The following DPP6 variants were observed in gnomAD, a reference collection of about 807,000 sequenced individuals.
DPP6 encodes the protein dipeptidyl peptidase like 6, also known as A-type potassium channel modulatory protein DPP6.
In DPP6, 69 loss-of-function variants were observed where a neutral mutation model predicts 122.6. That is an observed-to-expected ratio of 0.56 (90% CI 0.46 to 0.69). DPP6 has a LOEUF of 0.69. DPP6 is among the 30% of genes least tolerant of loss of function. DPP6 has a pLI of 0.00. For synonymous variants in DPP6, 418 were observed against 433.1 expected (o/e 0.97, Z 0.43); for missense variants, 928 against 1,116.9 (o/e 0.83, Z 2.41).
At chr7:154,888,677 C>A (rs1806361548) in intron 23 of DPP6, among the ~76,000 whole-genome samples, 1 of 152,174 alleles carries the variant, frequency 6.6e-6, no homozygotes, top group Non-Finnish European at 1.5e-5. Flanking sequence ...TCTCTTCCAC[C>A]CCCTCCTCTT....
chr7:153,904,153 G>A (rs895618835), intron 1 of DPP6, among the ~76,000 whole-genome samples: 2 of 152,286 alleles, frequency 1.3e-5, no homozygotes, highest in Non-Finnish European at 2.9e-5. Flanking sequence ...CCAAGCTCAA[G>A]CAATTCTCCT....
chr7:154,209,023 G>A (rs546614825), intron 1 of DPP6, among the ~76,000 whole-genome samples: 167 of 152,250 alleles, frequency 1.1e-3, no homozygotes, highest in Middle Eastern at 3.4e-3. Flanking sequence ...ATTTAAGAAC[G>A]TGCTCAGCAG....
the DPP6 span, among the ~76,000 whole-genome samples, chr7:153,851,624 C>T: frequency 2.6e-5 from 4 of 152,026 alleles, no homozygotes; most frequent in Non-Finnish European, 5.9e-5. Flanking sequence ...TTTTATATTA[C>T]TTATATCTTG....
intron 1 of DPP6, among the ~76,000 whole-genome samples, chr7:154,324,153 C>T (rs1430029850): frequency 6.6e-6 from 1 of 152,088 alleles, no homozygotes; most frequent in African/African-American, 2.4e-5. Flanking sequence ...TGATGGTCTA[C>T]GGATTGATTT....
chr7:154,712,595 C>T (rs1437422865), intron 7 of DPP6, among the ~76,000 whole-genome samples: 1 of 152,158 alleles, frequency 6.6e-6, no homozygotes, highest in Non-Finnish European at 1.5e-5. Context: ...TGGCAGAAGA[C>T]ACCTCTTCAC....
chr7:154,289,580 G>A (rs2150962543), intron 1 of DPP6, among the ~76,000 whole-genome samples: 1 of 152,250 alleles, frequency 6.6e-6, no homozygotes, highest in South Asian at 2.1e-4. Context: ...AGGATGGCAG[G>A]TCCCTTCCCC....
the DPP6 span, among the ~76,000 whole-genome samples, chr7:153,798,490 G>A: frequency 6.6e-6 from 1 of 152,190 alleles, no homozygotes; most frequent in Admixed American, 6.5e-5. Context: ...TGGGGCTGGA[G>A]ATGGGGCCCC....
At chr7:154,570,270 G>A (rs1438623706) in intron 5 of DPP6, among the ~76,000 whole-genome samples, 3 of 151,890 alleles carry the variant, frequency 2.0e-5, no homozygotes, top group Non-Finnish European at 4.4e-5. Flanking sequence ...AGATGTTTAA[G>A]TTTAATTTTT....
intron 1 of DPP6, among the ~76,000 whole-genome samples, chr7:153,888,536 G>T (rs968404724): frequency 2.0e-5 from 3 of 152,232 alleles, no homozygotes; most frequent in Admixed American, 2.0e-4. Flanking sequence ...GTTAGTCCGG[G>T]GCACGGGGCC....
At chr7:154,166,114 C>T (rs1281442398) in intron 1 of DPP6, among the ~76,000 whole-genome samples, 1 of 152,152 alleles carries the variant, frequency 6.6e-6, no homozygotes, top group Non-Finnish European at 1.5e-5. Context: ...GATGTGGACC[C>T]TTCTTCCTTC....
chr7:154,509,822 A>C (rs1825925351), intron 3 of DPP6, among the ~76,000 whole-genome samples: 1 of 152,196 alleles, frequency 6.6e-6, no homozygotes, highest in African/African-American at 2.4e-5. Context: ...GAAAACTGTA[A>C]GACAGTCACA....
chr7:154,476,074 A>G (rs1586388369), intron 3 of DPP6, among the ~76,000 whole-genome samples: 1 of 152,164 alleles, frequency 6.6e-6, no homozygotes, highest in Non-Finnish European at 1.5e-5. Flanking sequence ...ATGCTTCACA[A>G]ACTCTCAGAA....
rs1377381336 is a variant in DPP6 at position 154,095,719 on chromosome 7, C to T, written c.243+42656C>T. Reference sequence around the variant, plus strand: ...GCTTTTTCCTGGGAGGCGGCCTTGGCGTGTCCCTGAGACCTCCTGTGATGC... The same window carrying T: ...GCTTTTTCCTGGGAGGCGGCCTTGGTGTGTCCCTGAGACCTCCTGTGATGC... On this transcript the variant is annotated intron_variant, in intron 1 of 25. Coordinates refer to ENST00000377770, the MANE Select transcript of DPP6 (RefSeq NM_130797.4). 3.6e-5 allele frequency: 4 copies of T among 111,368 alleles called. 1 individual carries two copies. Among genetic ancestry groups the T allele is most frequent in the African/African-American group, 1.3e-4 (4 of 30,936 alleles). 6.9% of individuals were successfully genotyped at this position (111,368 alleles called of 1,614,324 possible). A position where few individuals can be genotyped will look rare whatever the true frequency, so the allele number is the denominator to read the frequency against.
At chr7:154,482,820 T>C (rs1823427789) in intron 3 of DPP6, among the ~76,000 whole-genome samples, 2 of 152,156 alleles carry the variant, frequency 1.3e-5, no homozygotes, top group Admixed American at 6.5e-5. Flanking sequence ...GAGGTGGTAG[T>C]GTATAGAAAT....
At chr7:154,809,298 G>C (rs1197817314) in intron 16 of DPP6, among the ~76,000 whole-genome samples, 2 of 152,022 alleles carry the variant, frequency 1.3e-5, no homozygotes, top group Non-Finnish European at 2.9e-5. Context: ...GGAAGAGCTT[G>C]GGGGGTTAGG....
intron 5 of DPP6, among the ~76,000 whole-genome samples, chr7:154,635,725 G>A (rs372786147): frequency 1.2e-4 from 18 of 152,272 alleles, no homozygotes; most frequent in African/African-American, 2.9e-4. Flanking sequence ...GCAGTCATCC[G>A]AAGGCTTGAC....
intron 1 of DPP6, among the ~76,000 whole-genome samples, chr7:153,931,589 A>T (rs1206912449): frequency 6.6e-6 from 1 of 152,214 alleles, no homozygotes; most frequent in Non-Finnish European, 1.5e-5. Flanking sequence ...ATTTAAATTC[A>T]TTATTCTGTC....
intron 1 of DPP6, among the ~76,000 whole-genome samples, chr7:154,201,386 C>T (rs1363196277): frequency 6.6e-6 from 1 of 152,160 alleles, no homozygotes; most frequent in Non-Finnish European, 1.5e-5. Context: ...ACCTTGGCCT[C>T]CCAAAGTGCT....
chr7:154,455,276 A>G (rs1354977009), intron 2 of DPP6, among the ~76,000 whole-genome samples: 1 of 152,242 alleles, frequency 6.6e-6, no homozygotes, highest in East Asian at 1.9e-4. Context: ...TTGCATGGCT[A>G]CCTTCACTGG....
Sources: allele counts gnomAD v4.1 joint callset (sites outside exome capture counted in the v4.1 genomes callset), GRCh38; gene constraint gnomAD v4.1.1; transcripts MANE v1.5; gene names NCBI Gene and HGNC (gene_info 2026-07-23, HGNC 2026-07-21).